The following NACC2 variants were observed in gnomAD, a reference collection of about 807,000 sequenced individuals.
NACC2 encodes the protein nucleus accumbens-associated protein 2.
NACC2 carries 8 observed loss-of-function variants against 25.1 expected under a neutral mutation model. The observed-to-expected ratio is 0.32, with a 90% CI of 0.19 to 0.57. NACC2 has a LOEUF of 0.57. Ranked by LOEUF, NACC2 falls within the 20% of genes least tolerant of loss-of-function variation. NACC2 has a pLI of 0.89. For synonymous variants in NACC2, 435 were observed against 294.7 expected (o/e 1.48, Z -4.88); for missense variants, 644 against 650.2 (o/e 0.99, Z 0.10).
chr9:136,030,764 C>T (rs538230984), intron 2 of NACC2, among the ~76,000 whole-genome samples: 26 of 152,196 alleles, frequency 1.7e-4, no homozygotes, highest in African/African-American at 4.1e-4. Context: ...CAGGTTCAAG[C>T]GATCCTCCCA....
In NACC2 at chr9:136,013,953, G is replaced by A. The variant is rs1840154531; in HGVS notation, c.1068C>T (p.Ile356=). The A allele has an allele frequency of 6.2e-7, 1 of 1,602,854 alleles. No individual in the cohort carries two copies. Among genetic ancestry groups the A allele is most frequent in the African/African-American group, 1.3e-5 (1 of 74,540 alleles). Residue 356 remains isoleucine (I), a synonymous_variant, in exon 4 of 6, where the codon ATC becomes ATT. Coordinates refer to ENST00000277554, the MANE Select transcript of NACC2 (RefSeq NM_144653.5). This position sits in a 1 kb window ranked among gnomAD's most constrained non-coding sequence, Gnocchi z 6.6. ...LELVAGSGVY[I]TRGQLMNCHL... ...GGCAGTTCATCAGCTGGCCGCGTGT[G>A]ATGTAGACCCCAGAGCCTGCAGCCA...
At chr9:136,090,336 A>G (rs1830422158) in intron 1 of NACC2, among the ~76,000 whole-genome samples, 1 of 152,198 alleles carries the variant, frequency 6.6e-6, no homozygotes, top group Admixed American at 6.5e-5. Flanking sequence ...ACTCCCTCCA[A>G]GACCGCCGCA....
chr9:136,086,825 G>C lies in NACC2; in HGVS notation c.-60+8364C>G, dbSNP rs142405584. ...CATCCCAGCAGCGGCTGCTGTCTGT[G>C]CCTGGCTCCTCCCACTGTCCTGGGC... On this transcript the variant is annotated intron_variant, in intron 1 of 5. Transcript: ENST00000277554. The surrounding 1 kb of genome is among the most constrained non-coding windows in gnomAD (Gnocchi z 5.6). Among the ~76,000 whole-genome samples the C allele has an allele frequency of 8.0e-3, 1,216 of 152,246 alleles. 23 individuals carry two copies. Among genetic ancestry groups the C allele is most frequent in the African/African-American group, 0.028 (1,152 of 41,528 alleles).
intron 1 of NACC2, among the ~76,000 whole-genome samples, chr9:136,077,699 G>A (rs527398916): frequency 2.0e-5 from 3 of 152,214 alleles, no homozygotes; most frequent in Non-Finnish European, 2.9e-5. Context: ...GTGGTCACCC[G>A]GGAAATGCGA....
intron 2 of NACC2, among the ~76,000 whole-genome samples, chr9:136,046,642 C>T (rs1041487346): frequency 2.6e-5 from 4 of 152,226 alleles, no homozygotes; most frequent in Admixed American, 6.5e-5. Context: ...CACACCCATG[C>T]ATGGCGCCTT....
At chr9:136,014,006 C>T (rs1840155909) in intron 3 of NACC2, 37 bp from the exon 4 acceptor site, 1 of 1,550,260 alleles carries the variant, frequency 6.5e-7, no homozygotes, top group Non-Finnish European at 8.8e-7. Flanking sequence ...TCGTGGCCTT[C>T]CCGGGCCATA....
intron 2 of NACC2, among the ~76,000 whole-genome samples, chr9:136,031,934 T>C (rs4409473): frequency 0.6 from 91,688 of 152,128 alleles, 28,090 homozygotes; most frequent in East Asian, 0.73. Context: ...CTGATGTGTA[T>C]GGGCAGCTGT....
intron 2 of NACC2, among the ~76,000 whole-genome samples, chr9:136,031,272 T>G (rs1840467997): frequency 6.6e-6 from 1 of 152,194 alleles, no homozygotes; most frequent in Non-Finnish European, 1.5e-5. Flanking sequence ...GGTAAAGAGA[T>G]GAGAACGTCG....
chr9:136,024,490 GTGTGAGGACAGAA>G lies in NACC2; in HGVS notation c.887-8074_887-8062del, dbSNP rs1245556199. Among the ~76,000 whole-genome samples, 26 of 122,772 alleles carry G rather than the reference GTGTGAGGACAGAA, an allele frequency of 2.1e-4. No individual in the cohort carries two copies. The East Asian group carries it at 4.1e-3, about 19-fold the overall frequency. 80.5% of individuals were successfully genotyped at this position (122,772 alleles called of 152,430 possible). On this transcript the variant is annotated intron_variant, in intron 2 of 5. Transcript: ENST00000277554. ...CAGAGGGTGCGTGTGAGGACAGTGT[GTGTGAGGACAGAA>G]TGTGTGTGTGTGTGTGTGTGTGTGT... is the stretch of plus-strand genomic sequence containing the variant.
intron 2 of NACC2, among the ~76,000 whole-genome samples, chr9:136,032,640 T>A (rs1392401119): frequency 6.6e-6 from 1 of 152,176 alleles, no homozygotes; most frequent in Non-Finnish European, 1.5e-5. Context: ...CTCACGTAGG[T>A]AATCCCAGCA....
intron 1 of NACC2, among the ~76,000 whole-genome samples, chr9:136,063,877 C>A (rs1358354160): frequency 1.5e-5 from 2 of 134,436 alleles, no homozygotes; most frequent in East Asian, 2.2e-4. Flanking sequence ...GAGCGAGACT[C>A]CATCTCAAAA....
rs568598857 is a variant in NACC2 at position 136,013,637 on chromosome 9, T to TG, written c.1157+226dup. Among the ~76,000 whole-genome samples, 20 of 152,218 alleles carry TG rather than the reference T, an allele frequency of 1.3e-4. No homozygotes were observed. In the East Asian group the frequency reaches 3.5e-3, roughly 27 times the overall value. On this transcript the variant is annotated intron_variant, in intron 4 of 5. Coordinates refer to ENST00000277554, the MANE Select transcript of NACC2 (RefSeq NM_144653.5). The surrounding 1 kb of genome is among the most constrained non-coding windows in gnomAD (Gnocchi z 6.6). ...AGTGTGGCTCTTCATTTTTCTGTTG[T>TG]GGGGGTTGCATCCACAAGCCCGTTT... is the stretch of plus-strand genomic sequence containing the variant.
intron 1 of NACC2, among the ~76,000 whole-genome samples, chr9:136,078,051 C>T (rs934783402): frequency 2.0e-5 from 3 of 152,184 alleles, no homozygotes; most frequent in Non-Finnish European, 4.4e-5. Context: ...GGATTATAGG[C>T]ATGAGCCACC....
Position 136,055,320 on chromosome 9 carries a change from C to T in NACC2, c.-59-4740G>A, listed in dbSNP as rs904282713. Among the ~76,000 whole-genome samples the T allele has an allele frequency of 2.4e-4, 37 of 152,264 alleles. No homozygotes were observed. Among genetic ancestry groups the T allele is most frequent in the Non-Finnish European group, 2.1e-4 (14 of 67,996 alleles). ...AGGATTCACACAAGGACACAGGTTA[C>T]AAGGTTGGTGCCAGGCCAGGGCACC... On this transcript the variant is annotated intron_variant, in intron 1 of 5. Coordinates refer to ENST00000277554, the MANE Select transcript of NACC2 (RefSeq NM_144653.5). This position sits in a 1 kb window ranked among gnomAD's most constrained non-coding sequence, Gnocchi z 4.9.
At chr9:136,040,949 A>T (rs1840617609) in intron 2 of NACC2, among the ~76,000 whole-genome samples, 1 of 151,062 alleles carries the variant, frequency 6.6e-6, no homozygotes, top group Non-Finnish European at 1.5e-5. Context: ...CGACAGAGTG[A>T]GAGTGAGACC....
intron 1 of NACC2, among the ~76,000 whole-genome samples, chr9:136,051,802 C>T (rs1050373693): frequency 1.1e-4 from 16 of 151,978 alleles, no homozygotes; most frequent in Admixed American, 2.6e-4. Context: ...GCACGCAGCC[C>T]GCCTGCCCAG....
At chr9:136,027,786 C>A (rs1840415768) in intron 2 of NACC2, among the ~76,000 whole-genome samples, 1 of 152,096 alleles carries the variant, frequency 6.6e-6, no homozygotes, top group Admixed American at 6.5e-5. Context: ...ATCTACAGAT[C>A]TCTCTCAAAA....
At chr9:136,039,316 ATGC>A (rs907540104) in intron 2 of NACC2, among the ~76,000 whole-genome samples, 32 of 152,356 alleles carry the variant, frequency 2.1e-4, no homozygotes, top group African/African-American at 7.5e-4. Flanking sequence ...ATTGGTAAGA[ATGC>A]TGCTAATTAC....
At position 136,088,607 on chromosome 9, in the gene NACC2, G is replaced by A. The variant is rs114372821; in HGVS notation, c.-60+6582C>T. On this transcript the variant is annotated intron_variant, in intron 1 of 5. Transcript: ENST00000277554. The stretch of plus-strand genomic sequence containing the variant: ...GTCAGCCATGGTTAACCATCAGCAG[G>A]GGCTTCACTGCCATCCCAACCACGA... 9.5e-3 allele frequency among the ~76,000 whole-genome samples: 1,447 copies of A among 152,312 alleles called. 20 individuals carry two copies. Among genetic ancestry groups the A allele is most frequent in the African/African-American group, 0.032 (1,347 of 41,556 alleles).
Sources: allele counts gnomAD v4.1 joint callset (sites outside exome capture counted in the v4.1 genomes callset), GRCh38; gene constraint gnomAD v4.1.1; non-coding constraint Gnocchi (gnomAD v3.1); transcripts MANE v1.5; gene names NCBI Gene and HGNC (gene_info 2026-07-23, HGNC 2026-07-21).